Variants in BCAR3 observed in about 807,000 individuals in gnomAD.
BCAR3 encodes the protein breast cancer anti-estrogen resistance protein 3.
A neutral mutation model predicts 80.1 loss-of-function variants in BCAR3; 37 were observed. The observed-to-expected ratio is 0.46, with a 90% CI of 0.36 to 0.61. The LOEUF is 0.61. Among genes scored for constraint, BCAR3 ranks in the 20% least tolerant of loss-of-function variants. The pLI, the probability that BCAR3 is intolerant of heterozygous loss-of-function variation, is 0.00. For synonymous variants in BCAR3, 389 were observed against 418.9 expected (o/e 0.93, Z 0.87); for missense variants, 978 against 1,068.2 (o/e 0.92, Z 1.18).
chr1:93,807,037 C>T (rs1653676636), intron 2 of BCAR3, among the ~76,000 whole-genome samples: 1 of 151,880 alleles, frequency 6.6e-6, no homozygotes, highest in South Asian at 2.1e-4. Flanking sequence ...CCCAGGATAT[C>T]AAGGCTGCAG....
chr1:93,664,087 G>T (rs945261024), intron 2 of BCAR3, among the ~76,000 whole-genome samples: 1 of 152,176 alleles, frequency 6.6e-6, no homozygotes, highest in Non-Finnish European at 1.5e-5. Flanking sequence ...CTTCTAAAAT[G>T]CCTGGTTCTT....
intron 2 of BCAR3, among the ~76,000 whole-genome samples, chr1:93,672,699 G>T (rs1648270910): frequency 6.6e-6 from 1 of 152,134 alleles, no homozygotes; most frequent in Admixed American, 6.5e-5. Context: ...GAGCTGGGAG[G>T]TCACCCACCT....
At chr1:93,574,787 A>T (rs567618290) in intron 8 of BCAR3, among the ~76,000 whole-genome samples, 1 of 152,342 alleles carries the variant, frequency 6.6e-6, no homozygotes, top group South Asian at 2.1e-4. Context: ...TGGAACCTAG[A>T]AAAGTCTCAT....
chr1:93,733,877 A>G (rs926825738), intron 2 of BCAR3, among the ~76,000 whole-genome samples: 4 of 152,252 alleles, frequency 2.6e-5, no homozygotes, highest in Non-Finnish European at 4.4e-5. Context: ...CCAGATAGGC[A>G]TAGTAGACAA....
At chr1:93,656,610 C>CT (rs34484122) in intron 2 of BCAR3, among the ~76,000 whole-genome samples, 8,472 of 138,116 alleles carry the variant, frequency 0.061, 461 homozygotes, top group African/African-American at 0.13. Flanking sequence ...TATCTGAAGT[C>CT]TTTTTTTTTT....
intron 2 of BCAR3, among the ~76,000 whole-genome samples, chr1:93,673,920 G>C (rs540212176): frequency 1.6e-4 from 25 of 152,108 alleles, no homozygotes; most frequent in Non-Finnish European, 3.4e-4. Flanking sequence ...GAAAATACTT[G>C]GGCTTTCTTT....
chr1:93,583,601 T>G (rs911523183), intron 6 of BCAR3, among the ~76,000 whole-genome samples: 5 of 152,146 alleles, frequency 3.3e-5, no homozygotes, highest in Non-Finnish European at 5.9e-5. Context: ...GGAGTTGGCC[T>G]GGACAGCTGT....
intron 3 of BCAR3, among the ~76,000 whole-genome samples, chr1:93,691,318 G>A (rs1649178342): frequency 6.6e-6 from 1 of 152,208 alleles, no homozygotes; most frequent in African/African-American, 2.4e-5. Context: ...TACTTCACAG[G>A]CTGCTGTTGC....
intron 2 of BCAR3, among the ~76,000 whole-genome samples, chr1:93,653,276 T>C (rs1647211019): frequency 6.6e-6 from 1 of 152,220 alleles, no homozygotes; most frequent in Non-Finnish European, 1.5e-5. Context: ...ACTATCAATA[T>C]TTCATGCAAT....
At chr1:93,658,076 G>T (rs1188853243) in intron 2 of BCAR3, among the ~76,000 whole-genome samples, 2 of 152,038 alleles carry the variant, frequency 1.3e-5, no homozygotes, top group African/African-American at 4.8e-5. Context: ...GAGTAGCTGG[G>T]ATTACAGGTG....
chr1:93,634,633 T>C (rs532662299), intron 3 of BCAR3, among the ~76,000 whole-genome samples: 3 of 151,772 alleles, frequency 2.0e-5, no homozygotes, highest in Non-Finnish European at 4.4e-5. Context: ...AAGTGGAGGT[T>C]GCAATGAGTC....
At chr1:93,674,579 C>T (rs1193823785) in intron 2 of BCAR3, 35 bp downstream of exon 2, 1 of 1,604,800 alleles carries the variant, frequency 6.2e-7, no homozygotes, top group East Asian at 2.2e-5. Context: ...CTGTTTAAGA[C>T]AAATCATCTT....
chr1:93,767,691 T>C (rs1373131188), intron 2 of BCAR3, among the ~76,000 whole-genome samples: 2 of 152,208 alleles, frequency 1.3e-5, no homozygotes, highest in African/African-American at 2.4e-5. Context: ...ATTTTCGGTA[T>C]GAAAATAAAA....
At chr1:93,746,780 C>A (rs944760425) in intron 2 of BCAR3, among the ~76,000 whole-genome samples, 1 of 152,142 alleles carries the variant, frequency 6.6e-6, no homozygotes, top group Non-Finnish European at 1.5e-5. Context: ...CTCCTGAGAC[C>A]CCTGGAGTCT....
intron 2 of BCAR3, among the ~76,000 whole-genome samples, chr1:93,790,643 T>A (rs1653115568): frequency 9.8e-6 from 1 of 101,966 alleles, no homozygotes; most frequent in Non-Finnish European, 1.8e-5. Flanking sequence ...CATTTTTTTT[T>A]TTTCTTAATT....
chr1:93,603,666 A>G (rs924566813), intron 3 of BCAR3, among the ~76,000 whole-genome samples: 1 of 152,172 alleles, frequency 6.6e-6, no homozygotes, highest in African/African-American at 2.4e-5. Context: ...TCCATTTTCA[A>G]TCAAGAGTTT....
chr1:93,615,774 T>C (rs1014898724), intron 3 of BCAR3, among the ~76,000 whole-genome samples: 2 of 152,174 alleles, frequency 1.3e-5, no homozygotes, highest in Non-Finnish European at 2.9e-5. Context: ...TCTGTGAGCA[T>C]GACTCATCAA....
At chr1:93,735,404 A>G (rs374532233) in intron 2 of BCAR3, among the ~76,000 whole-genome samples, 67 of 152,328 alleles carry the variant, frequency 4.4e-4, no homozygotes, top group Middle Eastern at 3.4e-3. Context: ...GAGCTCTGTC[A>G]TGGCAGACAA....
intron 2 of BCAR3, among the ~76,000 whole-genome samples, chr1:93,744,518 A>C (rs1056237012): frequency 2.0e-5 from 3 of 152,200 alleles, no homozygotes; most frequent in Non-Finnish European, 4.4e-5. Flanking sequence ...TGTATGATGA[A>C]GAGGCTGGCC....
Sources: gnomAD v4.1 joint callset for allele counts (sites outside exome capture counted in the v4.1 genomes callset) on GRCh38, gnomAD v4.1.1 for gene constraint, MANE v1.5 for transcripts, NCBI Gene and HGNC (gene_info 2026-07-23, HGNC 2026-07-21) for gene names.